OR51I2: variants seen among roughly 807,000 people sequenced by gnomAD.
OR51I2 encodes the protein olfactory receptor 51I2.
A neutral mutation model predicts 9.3 loss-of-function variants in OR51I2; 6 were observed. The observed-to-expected ratio is 0.64, with a 90% CI of 0.35 to 1.27. The LOEUF (loss-of-function observed/expected upper bound fraction) is 1.27. Ranked by LOEUF, OR51I2 falls within the 50% of genes most tolerant of loss-of-function variation. The pLI is 0.03. For synonymous variants in OR51I2, 179 were observed against 143.1 expected (o/e 1.25, Z -1.79); for missense variants, 489 against 396.4 (o/e 1.23, Z -1.98).
Position 5,453,451 on chromosome 11 carries a change from A to C in OR51I2, c.-38A>C. 1 of 1,411,690 alleles carries C rather than the reference A, an allele frequency of 7.1e-7. No individual in the cohort carries two copies. The highest frequency in any genetic ancestry group is 9.5e-7 in the Non-Finnish European group (1 of 1,049,426). The allele number at this position is 1,411,690 out of a possible 1,614,324, so 87.4% of individuals were successfully genotyped here. A position where few individuals can be genotyped will look rare whatever the true frequency, so the allele number is the denominator to read the frequency against. On this transcript the variant is annotated 5_prime_UTR_variant, in exon 2 of 2. Transcript: ENST00000641930. ...AACTGTTAGAATTCTCCAAGTCAGA[A>C]GATCTGACTCTGAAAAGTACCCTAA...
At chr11:5,449,927 A>T (rs1477778743) in intron 1 of OR51I2, among the ~76,000 whole-genome samples, 1 of 152,136 alleles carries the variant, frequency 6.6e-6, no homozygotes. Flanking sequence ...ACAGATTGAA[A>T]ACTGTGGTCT....
chr11:5,453,780 C>A lies in OR51I2; in HGVS notation c.292C>A (p.Leu98Ile). 1 of 1,614,168 alleles carries A rather than the reference C, an allele frequency of 6.2e-7. No individual in the cohort carries two copies. The highest frequency in any genetic ancestry group is 8.5e-7 in the Non-Finnish European group (1 of 1,180,038). The change falls in exon 2 of 2, where the codon CTA becomes ATA. Residue 98 changes from leucine (L) to isoleucine (I), a missense_variant. Leu to Ile is a conservative substitution (Grantham distance 5). Transcript: ENST00000641930. ...NARNITFDAC[L>I]IQMFLIHFFS... ...CCGCAACATCACTTTTGATGCCTGT[C>A]TAATTCAGATGTTTCTTATTCACTT... is the stretch of plus-strand genomic sequence containing the variant.
In OR51I2 at chr11:5,454,640, G is replaced by A. The variant is rs896534356; in HGVS notation, c.*213G>A. On this transcript the variant is annotated 3_prime_UTR_variant, in exon 2 of 2. Transcript: ENST00000641930. ...AGTATTCTTAGAAAGATAAATATTG[G>A]GGGCAATTGAGTAATTAGACAAGTT... 1 of 411,776 alleles carries A rather than the reference G, an allele frequency of 2.4e-6. No individual in the cohort carries two copies. Among genetic ancestry groups the A allele is most frequent in the Admixed American group, 4.0e-5 (1 of 24,968 alleles). 25.5% of individuals were successfully genotyped at this position (411,776 alleles called of 1,614,324 possible). A position where few individuals can be genotyped will look rare whatever the true frequency, so the allele number is the denominator to read the frequency against.
At chr11:5,452,628 G>A (rs116385531) in intron 1 of OR51I2, among the ~76,000 whole-genome samples, 9 of 148,012 alleles carry the variant, frequency 6.1e-5, no homozygotes, top group Admixed American at 1.4e-4. Flanking sequence ...GTGAATGAGC[G>A]TCTTCTTAGA....
chr11:5,450,032 T>C (rs1254057938), intron 1 of OR51I2, among the ~76,000 whole-genome samples: 5 of 152,158 alleles, frequency 3.3e-5, no homozygotes, highest in Admixed American at 6.5e-5. Flanking sequence ...CTTTGCTTGA[T>C]TAAAAAGTAA....
rs552775911 is a variant in OR51I2 at position 5,456,162 on chromosome 11, G to T, written c.*1735G>T. Reference sequence around the variant, plus strand: ...CTGATTCCTACCTCAGAAGCAGCGAGGGATACATTCTTTTGACCATAGGCC... The same window carrying T: ...CTGATTCCTACCTCAGAAGCAGCGATGGATACATTCTTTTGACCATAGGCC... On this transcript the variant is annotated 3_prime_UTR_variant, in exon 2 of 2. Coordinates refer to ENST00000641930, the MANE Select transcript of OR51I2 (RefSeq NM_001004754.3). 4 of 152,290 alleles carry T rather than the reference G, an allele frequency of 2.6e-5. No individual in the cohort carries two copies. In the South Asian group the frequency reaches 8.3e-4, roughly 32 times the overall value. The allele number at this position is 152,290 out of a possible 1,614,324, so 9.4% of individuals were successfully genotyped here.
chr11:5,450,114 C>A (rs572624922), intron 1 of OR51I2, among the ~76,000 whole-genome samples: 2 of 152,222 alleles, frequency 1.3e-5, no homozygotes, highest in African/African-American at 4.8e-5. Flanking sequence ...ATACACCAGG[C>A]GTGGTGGCTC....
chr11:5,451,372 T>C (rs927499142), intron 1 of OR51I2, among the ~76,000 whole-genome samples: 2 of 152,264 alleles, frequency 1.3e-5, no homozygotes, highest in Non-Finnish European at 2.9e-5. Context: ...TTCTCTTCTA[T>C]GTACTGTGAT....
chr11:5,455,120 G>C lies in OR51I2; in HGVS notation c.*693G>C, dbSNP rs1372887481. 1 of 152,140 alleles carries C rather than the reference G, an allele frequency of 6.6e-6. No homozygotes were observed. Among genetic ancestry groups the C allele is most frequent in the African/African-American group, 2.4e-5 (1 of 41,432 alleles). The allele number at this position is 152,140 out of a possible 1,614,324, so 9.4% of individuals were successfully genotyped here. A position where few individuals can be genotyped will look rare whatever the true frequency, so the allele number is the denominator to read the frequency against. On this transcript the variant is annotated 3_prime_UTR_variant, in exon 2 of 2. Transcript: ENST00000641930. ...GTAAACTGATAGATATTGCCATTTAGGAAAATCTCCAGATTCTTCTTTACT... is the reference window on the plus strand; with the variant it reads ...GTAAACTGATAGATATTGCCATTTACGAAAATCTCCAGATTCTTCTTTACT...
chr11:5,450,733 C>T (rs1444653607), intron 1 of OR51I2, among the ~76,000 whole-genome samples: 2 of 152,312 alleles, frequency 1.3e-5, no homozygotes, highest in Middle Eastern at 3.4e-3. Flanking sequence ...AACTTACTCT[C>T]CAATGCCTTA....
At position 5,455,460 on chromosome 11, in the gene OR51I2, G is replaced by C. The variant is rs1167658079; in HGVS notation, c.*1033G>C. The C allele has an allele frequency of 3.3e-5, 5 of 150,398 alleles. No homozygotes were observed. The highest frequency in any genetic ancestry group is 7.4e-5 in the Non-Finnish European group (5 of 67,796). 9.3% of individuals were successfully genotyped at this position (150,398 alleles called of 1,614,324 possible). A position where few individuals can be genotyped will look rare whatever the true frequency, so the allele number is the denominator to read the frequency against. On this transcript the variant is annotated 3_prime_UTR_variant, in exon 2 of 2. Transcript: ENST00000641930. ...ACGCTTCCCTTGATACCAGAGGTAG[G>C]ATATAGTAAGAAATTCCTTGGTGCT...
rs1226254526 is a variant in OR51I2, at chr11:5,453,762, A to G, written c.274A>G (p.Ile92Val). The G allele has an allele frequency of 2.5e-6, 4 of 1,614,158 alleles. No individual in the cohort carries two copies. The highest frequency in any genetic ancestry group is 4.5e-5 in the East Asian group (2 of 44,876). Reference protein sequence around the residue: ...LRTFCLNARNITFDACLIQMF... With the variant: ...LRTFCLNARNVTFDACLIQMF... ...AACCTTCTGCCTCAATGCCCGCAAC[A>G]TCACTTTTGATGCCTGTCTAATTCA... is the stretch of plus-strand genomic sequence containing the variant. The change falls in exon 2 of 2, where the codon ATC (isoleucine) becomes GTC (valine). Residue 92 changes from isoleucine to valine, a missense_variant. Ile to Val is a conservative substitution (Grantham distance 29, BLOSUM62 3). Coordinates refer to ENST00000641930, the MANE Select transcript of OR51I2 (RefSeq NM_001004754.3).
At position 5,453,880 on chromosome 11, in the gene OR51I2, G is replaced by C; in HGVS notation, c.392G>C (p.Arg131Pro). The C allele has an allele frequency of 6.2e-7, 1 of 1,614,166 alleles. No homozygotes were observed. The highest frequency in any genetic ancestry group is 8.5e-7 in the Non-Finnish European group (1 of 1,180,014). The change falls in exon 2 of 2, where the codon CGC (arginine) becomes CCC (proline). Residue 131 changes from arginine to proline, a missense_variant. Physicochemically the swap from Arg to Pro is moderately radical, Grantham distance 103 (BLOSUM62 -2). Coordinates refer to ENST00000641930, the MANE Select transcript of OR51I2 (RefSeq NM_001004754.3). Reference protein sequence around the residue: ...DRYVAICDPLRYATVLTTEVI... With the variant: ...DRYVAICDPLPYATVLTTEVI... ...TATGTGGCCATTTGTGACCCCTTGCGCTATGCAACTGTGCTCACCACTGAA... is the reference window on the plus strand; with the variant it reads ...TATGTGGCCATTTGTGACCCCTTGCCCTATGCAACTGTGCTCACCACTGAA...
rs1423523817 is a variant in OR51I2, at chr11:5,455,728, T to C, written c.*1301T>C. 6.6e-6 allele frequency: 1 copy of C among 152,110 alleles called. No homozygotes were observed. The highest frequency in any genetic ancestry group is 1.5e-5 in the Non-Finnish European group (1 of 68,012). 9.4% of individuals were successfully genotyped at this position (152,110 alleles called of 1,614,324 possible). A position where few individuals can be genotyped will look rare whatever the true frequency, so the allele number is the denominator to read the frequency against. Reference sequence around the variant, plus strand: ...ATTGTTATCTAGAGGTTTTTTCTCTTTGTATTGAGGAAATACCAACAAGAG... The same window carrying C: ...ATTGTTATCTAGAGGTTTTTTCTCTCTGTATTGAGGAAATACCAACAAGAG... On this transcript the variant is annotated 3_prime_UTR_variant, in exon 2 of 2. Coordinates refer to ENST00000641930, the MANE Select transcript of OR51I2 (RefSeq NM_001004754.3).
chr11:5,453,900 A>C lies in OR51I2; in HGVS notation c.412A>C (p.Thr138Pro), dbSNP rs1850902400. 2 of 1,614,086 alleles carry C rather than the reference A, an allele frequency of 1.2e-6. No individual in the cohort carries two copies. Among genetic ancestry groups the C allele is most frequent in the Non-Finnish European group, 1.7e-6 (2 of 1,180,030 alleles). ...DPLRYATVLT[T>P]EVIAAMGLGA... ...CTTGCGCTATGCAACTGTGCTCACC[A>C]CTGAAGTCATTGCTGCAATGGGTTT... The change falls in exon 2 of 2, where the codon ACT becomes CCT. Residue 138 changes from threonine (T) to proline (P), a missense_variant. Coordinates refer to ENST00000641930, the MANE Select transcript of OR51I2 (RefSeq NM_001004754.3).
In OR51I2 at chr11:5,456,289, C is replaced by T. The variant is rs1021657420; in HGVS notation, c.*1862C>T. On this transcript the variant is annotated 3_prime_UTR_variant, in exon 2 of 2. Coordinates refer to ENST00000641930, the MANE Select transcript of OR51I2 (RefSeq NM_001004754.3). ...TCCTTTGTACCTTAATTTCACCTTC[C>T]TTTTTTCAGCATTAATTAAAAGAGC... 2 of 152,094 alleles carry T rather than the reference C, an allele frequency of 1.3e-5. No homozygotes were observed. Among genetic ancestry groups the T allele is most frequent in the Non-Finnish European group, 2.9e-5 (2 of 68,022 alleles). 9.4% of individuals were successfully genotyped at this position (152,094 alleles called of 1,614,324 possible).
intron 1 of OR51I2, among the ~76,000 whole-genome samples, chr11:5,452,115 C>T (rs1233343603): frequency 1.3e-5 from 2 of 152,128 alleles, no homozygotes; most frequent in African/African-American, 4.8e-5. Flanking sequence ...GTATACAAAT[C>T]TATGTGTCTA....
In OR51I2 at chr11:5,455,988, A is replaced by G. The variant is rs1221065652; in HGVS notation, c.*1561A>G. On this transcript the variant is annotated 3_prime_UTR_variant, in exon 2 of 2. Transcript: ENST00000641930. ...AGTATGGTCTTCAGTCAATTTAAAT[A>G]ATAACTTTTCTGATTCATATTAGAA... The G allele has an allele frequency of 1.3e-5, 2 of 152,210 alleles. No homozygotes were observed. The highest frequency in any genetic ancestry group is 2.9e-5 in the Non-Finnish European group (2 of 68,044). The allele number at this position is 152,210 out of a possible 1,614,324, so 9.4% of individuals were successfully genotyped here.
At chr11:5,452,131 G>A (rs1850862231) in intron 1 of OR51I2, among the ~76,000 whole-genome samples, 1 of 152,300 alleles carries the variant, frequency 6.6e-6, no homozygotes, top group African/African-American at 2.4e-5. Context: ...GTCTATGAGT[G>A]TGTATACATG....
Sources: allele counts gnomAD v4.1 joint callset (sites outside exome capture counted in the v4.1 genomes callset), GRCh38; gene constraint gnomAD v4.1.1; transcripts MANE v1.5; gene names NCBI Gene and HGNC (gene_info 2026-07-23, HGNC 2026-07-21).